Variants in RBM47 observed in about 807,000 individuals in gnomAD.
RBM47 encodes the protein RNA binding motif protein 47.
In RBM47, 21 loss-of-function variants were observed where a neutral mutation model predicts 47.1. The ratio of observed to expected loss-of-function variants is 0.45; its 90% CI spans 0.32 to 0.64. The LOEUF (loss-of-function observed/expected upper bound fraction) is 0.64, where lower values mean the gene tolerates loss of function less well. RBM47 is among the 30% of genes least tolerant of loss of function. The pLI, the probability that RBM47 is intolerant of heterozygous loss-of-function variation, is 0.05. For synonymous variants in RBM47, 375 were observed against 361.7 expected, an observed-to-expected ratio of 1.04 and a Z score of -0.42; for missense variants, 708 against 870.9, an observed-to-expected ratio of 0.81 and a Z score of 2.35.
At chr4:40,464,555 T>C (rs1358182695) in intron 3 of RBM47, among the ~76,000 whole-genome samples, 1 of 152,000 alleles carries the variant, frequency 6.6e-6, no homozygotes, top group Non-Finnish European at 1.5e-5. Context: ...AACGGGTAAC[T>C]GAAACCGAGA....
rs778697716 is a variant in RBM47 at position 40,438,638 on chromosome 4, C to T, written c.256G>A (p.Glu86Lys). The change falls in exon 4 of 7, where the codon GAG becomes AAG. Residue 86 changes from glutamate (E) to lysine (K), a missense_variant. Transcript: ENST00000295971. ...ACGGCCTCGAACACGGGCACCAGCT[C>T]GTCCTCGTACACGTCGCGCGGGATC... is the stretch of plus-strand genomic sequence containing the variant. ...GKIPRDVYED[E>K]LVPVFEAVGR... 8.1e-6 allele frequency: 13 copies of T among 1,612,808 alleles called. No homozygotes were observed. Among genetic ancestry groups the T allele is most frequent in the South Asian group, 3.3e-5 (3 of 91,068 alleles).
chr4:40,450,215 C>T (rs937293390), intron 3 of RBM47, among the ~76,000 whole-genome samples: 4 of 152,130 alleles, frequency 2.6e-5, no homozygotes, highest in African/African-American at 9.7e-5. Flanking sequence ...GACTGGCAGA[C>T]ACCAGAAAGG....
At chr4:40,609,025 C>T (rs117907135) in intron 1 of RBM47, among the ~76,000 whole-genome samples, 4 of 151,972 alleles carry the variant, frequency 2.6e-5, no homozygotes, top group Non-Finnish European at 2.9e-5. Flanking sequence ...TAGAGTTTCA[C>T]TCTTGTCGCC....
intron 2 of RBM47, among the ~76,000 whole-genome samples, chr4:40,528,942 C>CAAAAAAAAA (rs201660719): frequency 2.8e-5 from 4 of 140,654 alleles, no homozygotes; most frequent in African/African-American, 1.0e-4. Context: ...GACTCCGTCT[C>CAAAAAAAAA]AAAAAAAAAA....
At chr4:40,591,750 TAA>T (rs1452021227) in intron 1 of RBM47, among the ~76,000 whole-genome samples, 1 of 152,068 alleles carries the variant, frequency 6.6e-6, no homozygotes, top group Non-Finnish European at 1.5e-5. Context: ...ACAGTTACCC[TAA>T]TGAGTAATAG....
chr4:40,550,973 T>C (rs1729509004), intron 1 of RBM47, among the ~76,000 whole-genome samples: 2 of 152,182 alleles, frequency 1.3e-5, no homozygotes, highest in South Asian at 4.1e-4. Context: ...CCCCTCTCAT[T>C]ATCCTGTAAC....
intron 1 of RBM47, among the ~76,000 whole-genome samples, chr4:40,589,312 T>C (rs1440480840): frequency 6.6e-6 from 1 of 152,224 alleles, no homozygotes; most frequent in African/African-American, 2.4e-5. Context: ...AAACTTACTG[T>C]GTAAAATGAT....
At chr4:40,599,364 C>G (rs1387566617) in intron 1 of RBM47, among the ~76,000 whole-genome samples, 9 of 152,082 alleles carry the variant, frequency 5.9e-5, no homozygotes, top group African/African-American at 1.9e-4. Context: ...ACACTTACCA[C>G]CCCCAACCCA....
chr4:40,541,607 G>A lies in RBM47; in HGVS notation c.-155+2815C>T, dbSNP rs148686805. On this transcript the variant is annotated intron_variant, in intron 2 of 6. Coordinates refer to ENST00000295971, the MANE Select transcript of RBM47 (RefSeq NM_001098634.2). ...ACAACAAATTAGCCGGTGTGGTGGC[G>A]CATGCCTATAATCCCAGCTAGTCGG... Among the ~76,000 whole-genome samples, 765 of 152,144 alleles carry A rather than the reference G, an allele frequency of 5.0e-3. 3 individuals are homozygous for A. The highest frequency in any genetic ancestry group is 0.017 in the African/African-American group (710 of 41,490).
chr4:40,575,220 T>C (rs1043131765), intron 1 of RBM47, among the ~76,000 whole-genome samples: 3 of 152,130 alleles, frequency 2.0e-5, no homozygotes, highest in African/African-American at 7.2e-5. Context: ...ACAGACACTG[T>C]AATTCACAAA....
chr4:40,622,161 T>C (rs1461677997), intron 1 of RBM47, among the ~76,000 whole-genome samples: 4 of 152,236 alleles, frequency 2.6e-5, no homozygotes, highest in African/African-American at 4.8e-5. Context: ...GTAGACATTC[T>C]AGTCAGGGAG....
At chr4:40,608,489 C>A (rs1193123777) in intron 1 of RBM47, among the ~76,000 whole-genome samples, 1 of 152,206 alleles carries the variant, frequency 6.6e-6, no homozygotes, top group African/African-American at 2.4e-5. Flanking sequence ...AAATTACCAA[C>A]CTGGTAGCAA....
At chr4:40,603,209 A>C (rs1735440365) in intron 1 of RBM47, among the ~76,000 whole-genome samples, 1 of 152,220 alleles carries the variant, frequency 6.6e-6, no homozygotes, top group African/African-American at 2.4e-5. Context: ...GAGATTTTGC[A>C]GGATACACCC....
At chr4:40,505,003 C>T (rs1723893876) in intron 2 of RBM47, among the ~76,000 whole-genome samples, 1 of 152,116 alleles carries the variant, frequency 6.6e-6, no homozygotes, top group Non-Finnish European at 1.5e-5. Context: ...TTCCTTTAGG[C>T]AAAGATAAAG....
chr4:40,499,504 G>T (rs1321020435), intron 2 of RBM47, among the ~76,000 whole-genome samples: 1 of 152,128 alleles, frequency 6.6e-6, no homozygotes, highest in Non-Finnish European at 1.5e-5. Context: ...CCGCCTTCCG[G>T]GTTCAAGTGA....
intron 2 of RBM47, among the ~76,000 whole-genome samples, chr4:40,536,718 T>TGTGTGTG (rs59718734): frequency 2.7e-5 from 4 of 148,406 alleles, no homozygotes; most frequent in Non-Finnish European, 4.4e-5. Flanking sequence ...TGTGTGTGTG[T>TGTGTGTG]TTTTGTTTTT....
In RBM47 at chr4:40,437,761, C is replaced by G; in HGVS notation, c.1123+10G>C. On this transcript the variant is annotated intron_variant, in intron 4 of 6. Coordinates refer to ENST00000295971, the MANE Select transcript of RBM47 (RefSeq NM_001098634.2). Reference sequence around the variant, plus strand: ...TGGGGGCCCCACCCAGGAGAAGAGCCCCCACTAACCTTTCACAAAGTAGTC... The same window carrying G: ...TGGGGGCCCCACCCAGGAGAAGAGCGCCCACTAACCTTTCACAAAGTAGTC... 1 of 1,588,782 alleles carries G rather than the reference C, an allele frequency of 6.3e-7. No individual in the cohort carries two copies.
At chr4:40,457,561 C>G (rs1016902008) in intron 3 of RBM47, among the ~76,000 whole-genome samples, 1 of 152,034 alleles carries the variant, frequency 6.6e-6, no homozygotes, top group African/African-American at 2.4e-5. Context: ...CGTGCCTCAG[C>G]CTGGGATTAC....
chr4:40,521,235 T>C (rs1467505002), intron 2 of RBM47, among the ~76,000 whole-genome samples: 1 of 152,202 alleles, frequency 6.6e-6, no homozygotes, highest in African/African-American at 2.4e-5. Flanking sequence ...CAGAGTCTGC[T>C]TGTTGCCCAG....
Sources: allele counts gnomAD v4.1 joint callset (sites outside exome capture counted in the v4.1 genomes callset), GRCh38; gene constraint gnomAD v4.1.1; transcripts MANE v1.5; gene names NCBI Gene and HGNC (gene_info 2026-07-23, HGNC 2026-07-21).